Variants in PDZRN4 observed in about 807,000 individuals in gnomAD.
PDZRN4 encodes PDZ domain containing ring finger 4.
PDZRN4 carries 70 observed loss-of-function variants against 99.0 expected under a neutral mutation model. The observed-to-expected ratio is 0.71, with a 90% CI of 0.58 to 0.86. The LOEUF (loss-of-function observed/expected upper bound fraction) is 0.86. PDZRN4 is among the 40% of genes least tolerant of loss of function. The pLI, the probability that PDZRN4 is intolerant of heterozygous loss-of-function variation, is 0.00. For synonymous variants in PDZRN4, 551 were observed against 501.6 expected, an observed-to-expected ratio of 1.10 and a Z score of -1.32; for missense variants, 1,474 against 1,331.2, an observed-to-expected ratio of 1.11 and a Z score of -1.67.
chr12:41,344,190 T>C (rs74077504), intron 3 of PDZRN4, among the ~76,000 whole-genome samples: 2,027 of 152,268 alleles, frequency 0.013, 50 homozygotes, highest in African/African-American at 0.046. Context: ...CTTTTTATCT[T>C]AAATTATATT....
intron 3 of PDZRN4, among the ~76,000 whole-genome samples, chr12:41,285,010 A>T (rs541317712): frequency 6.6e-4 from 100 of 152,318 alleles, no homozygotes; most frequent in Non-Finnish European, 9.4e-4. Flanking sequence ...GACAAATGGG[A>T]TGTAATTAAA....
At chr12:41,238,362 A>G (rs1487389156) in intron 3 of PDZRN4, among the ~76,000 whole-genome samples, 1 of 152,080 alleles carries the variant, frequency 6.6e-6, no homozygotes, top group East Asian at 1.9e-4. Context: ...ATCAGGTTAA[A>G]TTTGACAAAT....
intron 3 of PDZRN4, among the ~76,000 whole-genome samples, chr12:41,212,975 G>T (rs558215952): frequency 1.4e-4 from 21 of 152,072 alleles, no homozygotes; most frequent in African/African-American, 5.1e-4. Flanking sequence ...AGTGGGAGGG[G>T]CTAATTATTG....
intron 3 of PDZRN4, among the ~76,000 whole-genome samples, chr12:41,338,087 T>C (rs1017900621): frequency 2.6e-5 from 4 of 152,112 alleles, no homozygotes; most frequent in Non-Finnish European, 5.9e-5. Flanking sequence ...AGTTGCTTGC[T>C]AATATGGTCT....
intron 3 of PDZRN4, among the ~76,000 whole-genome samples, chr12:41,489,282 A>G (rs1014775834): frequency 6.6e-6 from 1 of 152,046 alleles, no homozygotes; most frequent in Admixed American, 6.6e-5. Context: ...TGCTTCTGAC[A>G]TCTAGTGGGT....
intron 1 of PDZRN4, among the ~76,000 whole-genome samples, chr12:41,189,544 C>A (rs754175857): frequency 2.6e-5 from 4 of 152,140 alleles, no homozygotes; most frequent in African/African-American, 4.8e-5. Context: ...CCAGCATCCC[C>A]GCGGCCCTGG....
At chr12:41,479,044 AAGT>A (rs942645786) in intron 3 of PDZRN4, among the ~76,000 whole-genome samples, 13 of 152,182 alleles carry the variant, frequency 8.5e-5, no homozygotes, top group Non-Finnish European at 1.9e-4. Flanking sequence ...TTGTGAAAAA[AAGT>A]AAGTTTTTTT....
intron 3 of PDZRN4, among the ~76,000 whole-genome samples, chr12:41,381,393 T>G (rs1177923051): frequency 6.6e-6 from 1 of 152,018 alleles, no homozygotes; most frequent in Non-Finnish European, 1.5e-5. Context: ...ATGCCTTAAG[T>G]CTTGCAGATT....
chr12:41,192,286 C>T (rs1008307262), intron 2 of PDZRN4, among the ~76,000 whole-genome samples: 2 of 151,858 alleles, frequency 1.3e-5, no homozygotes, highest in Non-Finnish European at 2.9e-5. Context: ...GTATTTGTAG[C>T]AGAGAAAATA....
intron 3 of PDZRN4, among the ~76,000 whole-genome samples, chr12:41,208,858 T>C (rs1254530005): frequency 1.3e-5 from 2 of 151,946 alleles, no homozygotes; most frequent in African/African-American, 4.8e-5. Flanking sequence ...TCTTTCCTTT[T>C]TTTAAAAAAT....
chr12:41,453,686 G>C (rs1220216153), intron 3 of PDZRN4, among the ~76,000 whole-genome samples: 1 of 152,054 alleles, frequency 6.6e-6, no homozygotes, highest in Non-Finnish European at 1.5e-5. Flanking sequence ...ATTACATTTG[G>C]TGTGACTGAT....
At position 41,255,944 on chromosome 12, in the gene PDZRN4, A is replaced by G. The variant is rs1951202230; in HGVS notation, c.843+61756A>G. ...AACCATTGGTGAGAAATTCACTCCC[A>G]TGACCCAAACACCTCCCACCAAGCC... On this transcript the variant is annotated intron_variant, in intron 3 of 9. Coordinates refer to ENST00000402685, the MANE Select transcript of PDZRN4 (RefSeq NM_001164595.2). Among the ~76,000 whole-genome samples, 3 of 152,284 alleles carry G rather than the reference A, an allele frequency of 2.0e-5. 1 individual carries two copies. Among genetic ancestry groups the G allele is most frequent in the Non-Finnish European group, 4.4e-5 (3 of 68,022 alleles).
intron 3 of PDZRN4, among the ~76,000 whole-genome samples, chr12:41,228,609 A>G (rs1240649815): frequency 6.6e-6 from 1 of 152,096 alleles, no homozygotes; most frequent in South Asian, 2.1e-4. Flanking sequence ...TAAAAAGGCT[A>G]CCTTTGTTCT....
chr12:41,197,552 T>C (rs1285259965), intron 3 of PDZRN4, among the ~76,000 whole-genome samples: 1 of 152,224 alleles, frequency 6.6e-6, no homozygotes, highest in Non-Finnish European at 1.5e-5. Flanking sequence ...TCAGTTGTGA[T>C]AGTTGAGTTA....
chr12:41,342,923 C>G (rs2121018561), intron 3 of PDZRN4, among the ~76,000 whole-genome samples: 1 of 152,028 alleles, frequency 6.6e-6, no homozygotes, highest in Non-Finnish European at 1.5e-5. Flanking sequence ...TTTATTGTGG[C>G]ACTATCTACA....
At chr12:41,310,194 A>G (rs1023533405) in intron 3 of PDZRN4, among the ~76,000 whole-genome samples, 1 of 152,002 alleles carries the variant, frequency 6.6e-6, no homozygotes, top group Non-Finnish European at 1.5e-5. Context: ...TGGCCTCCCA[A>G]AGTGCTGGGA....
intron 3 of PDZRN4, among the ~76,000 whole-genome samples, chr12:41,468,728 A>G (rs1378534114): frequency 6.6e-6 from 1 of 152,230 alleles, no homozygotes; most frequent in African/African-American, 2.4e-5. Flanking sequence ...ACCTTCGCAT[A>G]CATTCATAAT....
chr12:41,518,060 A>AG (rs1938433350), intron 5 of PDZRN4, among the ~76,000 whole-genome samples: 1 of 152,038 alleles, frequency 6.6e-6, no homozygotes, highest in Non-Finnish European at 1.5e-5. Flanking sequence ...CCTAGTTTGA[A>AG]TTTTTTCTTC....
intron 3 of PDZRN4, among the ~76,000 whole-genome samples, chr12:41,332,388 G>A (rs1951745707): frequency 6.6e-6 from 1 of 152,006 alleles, no homozygotes; most frequent in South Asian, 2.1e-4. Flanking sequence ...ATTGTAAGGA[G>A]GGAATTTAAT....
Sources: allele counts gnomAD v4.1 joint callset (sites outside exome capture counted in the v4.1 genomes callset), GRCh38; gene constraint gnomAD v4.1.1; transcripts MANE v1.5; gene names NCBI Gene and HGNC (gene_info 2026-07-23, HGNC 2026-07-21).